The following TCF12 variants were observed in gnomAD, a reference collection of about 807,000 sequenced individuals.
The protein encoded by TCF12 is transcription factor 12, also known as DNA-binding protein HTF4.
TCF12 carries 45 observed loss-of-function variants against 86.0 expected under a neutral mutation model. The ratio of observed to expected loss-of-function variants is 0.52; its 90% CI spans 0.41 to 0.67. The LOEUF (loss-of-function observed/expected upper bound fraction) is 0.67, where lower values mean the gene tolerates loss of function less well. Ranked by LOEUF, TCF12 falls within the 30% of genes least tolerant of loss-of-function variation. The pLI is 0.00. For missense variants in TCF12, 881 were observed against 859.9 expected (o/e 1.02, Z -0.31); for synonymous variants, 330 against 299.6 (o/e 1.10, Z -1.05).
At chr15:57,244,232 T>C (rs1004610030) in intron 13 of TCF12, among the ~76,000 whole-genome samples, 18 of 152,168 alleles carry the variant, frequency 1.2e-4, no homozygotes, top group Admixed American at 1.3e-4. Flanking sequence ...ATTAATCTAT[T>C]TAAAAGTACA....
chr15:56,921,950 A>T (rs1257027311), intron 3 of TCF12, among the ~76,000 whole-genome samples: 1 of 151,964 alleles, frequency 6.6e-6, no homozygotes, highest in Admixed American at 6.5e-5. Flanking sequence ...CTTATGGGGA[A>T]AGTATAGCAT....
At chr15:57,035,418 C>G (rs958387876) in intron 3 of TCF12, among the ~76,000 whole-genome samples, 7 of 152,158 alleles carry the variant, frequency 4.6e-5, no homozygotes, top group Non-Finnish European at 8.8e-5. Context: ...TATGCACCAC[C>G]ATGCCTGGCT....
intron 5 of TCF12, among the ~76,000 whole-genome samples, chr15:57,101,968 A>G (rs1230553724): frequency 1.3e-5 from 2 of 152,236 alleles, no homozygotes; most frequent in East Asian, 3.8e-4. Context: ...ACAAAGAGCC[A>G]GATAGTAAAT....
In TCF12 at chr15:57,063,810, A is replaced by G. The variant is rs773012004; in HGVS notation, c.209A>G (p.Tyr70Cys). The change falls in exon 4 of 21, where the codon TAT (tyrosine) becomes TGT (cysteine). Residue 70 changes from tyrosine to cysteine, a missense_variant. Tyr to Cys is a radical substitution (Grantham distance 194, BLOSUM62 -2). This residue lies in a region of TCF12 where 766 missense variants were observed against 718.9 expected (regional missense o/e 1.07). Coordinates refer to ENST00000333725, the MANE Select transcript of TCF12 (RefSeq NM_207037.2). ...ACAAGTGGTCAACCAAGTCCTTCCT[A>G]TGATTCATCTAGAGTAAGTTTGCTG... is the stretch of plus-strand genomic sequence containing the variant. The part of the protein sequence containing the change: ...WGTSGQPSPS[Y>C]DSSRGFTDSP... 37 of 1,602,774 alleles carry G rather than the reference A, an allele frequency of 2.3e-5. No homozygotes were observed. The highest frequency in any genetic ancestry group is 1.6e-4 in the East Asian group (7 of 44,688).
At chr15:57,023,224 GT>G (rs1236639184) in intron 3 of TCF12, among the ~76,000 whole-genome samples, 1 of 152,168 alleles carries the variant, frequency 6.6e-6, no homozygotes, top group Non-Finnish European at 1.5e-5. Flanking sequence ...TAAGTATGGA[GT>G]TTGATTTTAT....
At chr15:57,256,543 T>TCCCCCCC (rs1566997445) in intron 16 of TCF12, among the ~76,000 whole-genome samples, 95 of 138,160 alleles carry the variant, frequency 6.9e-4, no homozygotes, top group Non-Finnish European at 9.0e-4. Flanking sequence ...TGGAATCGAT[T>TCCCCCCC]CCCCACCCCC....
chr15:57,185,488 C>T (rs568838280), intron 6 of TCF12, among the ~76,000 whole-genome samples: 2 of 151,892 alleles, frequency 1.3e-5, no homozygotes, highest in Non-Finnish European at 2.9e-5. Flanking sequence ...GAAGAACAAA[C>T]TAAATTGAAG....
At chr15:57,145,699 T>C (rs1290398203) in intron 5 of TCF12, among the ~76,000 whole-genome samples, 2 of 152,122 alleles carry the variant, frequency 1.3e-5, no homozygotes, top group Non-Finnish European at 2.9e-5. Context: ...TAGCCTCAGT[T>C]TATATACTCA....
intron 5 of TCF12, among the ~76,000 whole-genome samples, chr15:57,094,491 A>C (rs1476556921): frequency 6.6e-6 from 1 of 152,200 alleles, no homozygotes; most frequent in Non-Finnish European, 1.5e-5. Flanking sequence ...AGCTGAAGTA[A>C]TTGAACTGAC....
At chr15:57,067,923 C>G (rs2150983317) in intron 4 of TCF12, among the ~76,000 whole-genome samples, 1 of 152,270 alleles carries the variant, frequency 6.6e-6, no homozygotes, top group South Asian at 2.1e-4. Context: ...TTTGTTCCCT[C>G]TCTCCCTTGC....
At chr15:56,933,263 A>G (rs1218859718) in intron 3 of TCF12, among the ~76,000 whole-genome samples, 2 of 152,258 alleles carry the variant, frequency 1.3e-5, no homozygotes, top group African/African-American at 4.8e-5. Context: ...CTTTAATAGA[A>G]CAGAACTTTT....
chr15:57,059,387 T>G (rs151191555), intron 3 of TCF12, among the ~76,000 whole-genome samples: 132 of 152,310 alleles, frequency 8.7e-4, no homozygotes, highest in African/African-American at 3.1e-3. Context: ...TGCAGGGACA[T>G]CCTAACCATT....
intron 8 of TCF12, chr15:57,218,929 C>T: frequency 1.6e-6 from 1 of 628,640 alleles, no homozygotes; most frequent in Non-Finnish European, 2.0e-6. Context: ...CTGCTTTCTC[C>T]AGGAAGTGAT....
intron 6 of TCF12, among the ~76,000 whole-genome samples, chr15:57,176,298 G>A (rs1193265927): frequency 2.0e-5 from 3 of 152,196 alleles, no homozygotes; most frequent in African/African-American, 4.8e-5. Flanking sequence ...ATCCATCTGA[G>A]GTTGGTGACC....
At chr15:57,240,298 A>C (rs2059556661) in intron 12 of TCF12, among the ~76,000 whole-genome samples, 1 of 152,202 alleles carries the variant, frequency 6.6e-6, no homozygotes, top group African/African-American at 2.4e-5. Flanking sequence ...GGATAAAAAA[A>C]CAGGTAACAG....
chr15:56,980,627 T>A (rs1337397576), intron 3 of TCF12, among the ~76,000 whole-genome samples: 4 of 152,234 alleles, frequency 2.6e-5, no homozygotes, highest in African/African-American at 4.8e-5. Flanking sequence ...TCATAGTCTT[T>A]ATCTGACACC....
At chr15:57,130,988 ATTTTT>A (rs1187497263) in intron 5 of TCF12, among the ~76,000 whole-genome samples, 1 of 152,108 alleles carries the variant, frequency 6.6e-6, no homozygotes, top group African/African-American at 2.4e-5. Context: ...TTTCTATATT[ATTTTT>A]TATTTAATTC....
intron 3 of TCF12, among the ~76,000 whole-genome samples, chr15:56,944,010 C>G (rs921070290): frequency 6.6e-6 from 1 of 152,102 alleles, no homozygotes; most frequent in Non-Finnish European, 1.5e-5. Context: ...AAGTGTGTGT[C>G]TTTTATTTCA....
chr15:56,966,860 C>T (rs1006800382), intron 3 of TCF12, among the ~76,000 whole-genome samples: 11 of 152,134 alleles, frequency 7.2e-5, no homozygotes, highest in African/African-American at 1.4e-4. Context: ...CGGTGGCTCA[C>T]GCCTGTAATC....
Sources: allele counts gnomAD v4.1 joint callset (sites outside exome capture counted in the v4.1 genomes callset), GRCh38; gene constraint gnomAD v4.1.1; regional missense constraint gnomAD v4.1.1; transcripts MANE v1.5; gene names NCBI Gene and HGNC (gene_info 2026-07-23, HGNC 2026-07-21).